ANAPC10: variants seen among roughly 807,000 people sequenced by gnomAD.
ANAPC10 encodes anaphase-promoting complex subunit 10.
Under a neutral mutation model 22.0 loss-of-function variants are expected in ANAPC10, and 12 were observed. That is an observed-to-expected ratio of 0.55 (90% confidence interval 0.35 to 0.88). The LOEUF is 0.88. ANAPC10 is among the 40% of genes least tolerant of loss of function. The pLI, the probability that ANAPC10 is intolerant of heterozygous loss-of-function variation, is 0.01. For synonymous variants in ANAPC10, 65 were observed against 69.5 expected, an observed-to-expected ratio of 0.94 and a Z score of 0.32; for missense variants, 188 against 220.9, an observed-to-expected ratio of 0.85 and a Z score of 0.94.
intron 4 of ANAPC10, among the ~76,000 whole-genome samples, chr4:145,050,461 T>A (rs897688385): frequency 1.3e-5 from 2 of 152,200 alleles, no homozygotes; most frequent in African/African-American, 4.8e-5. Flanking sequence ...CAACTTGAAG[T>A]CACTAGCTGC....
intron 2 of ANAPC10, among the ~76,000 whole-genome samples, chr4:145,087,763 G>A (rs1158814278): frequency 1.3e-5 from 2 of 152,076 alleles, no homozygotes; most frequent in Non-Finnish European, 2.9e-5. Flanking sequence ...ATAAAGAGAT[G>A]AGGCCAGGCG....
intron 3 of ANAPC10, among the ~76,000 whole-genome samples, chr4:145,070,916 A>T (rs776910392): frequency 7.9e-5 from 12 of 152,232 alleles, no homozygotes; most frequent in Non-Finnish European, 1.3e-4. Flanking sequence ...ATATAATTCC[A>T]CTTATATCAG....
intron 2 of ANAPC10, among the ~76,000 whole-genome samples, chr4:145,095,336 T>G (rs1388493398): frequency 6.6e-6 from 1 of 152,200 alleles, no homozygotes; most frequent in African/African-American, 2.4e-5. Context: ...TTTCTCACCA[T>G]CCTGCTCCAT....
At chr4:145,060,610 A>G (rs773076888) in intron 4 of ANAPC10, among the ~76,000 whole-genome samples, 8 of 152,076 alleles carry the variant, frequency 5.3e-5, no homozygotes, top group Non-Finnish European at 8.8e-5. Flanking sequence ...AAACATTTCA[A>G]TACACACTAC....
chr4:145,034,964 T>C (rs1057429160), intron 4 of ANAPC10, among the ~76,000 whole-genome samples: 1 of 152,124 alleles, frequency 6.6e-6, no homozygotes, highest in Non-Finnish European at 1.5e-5. Context: ...CATCAGTCAG[T>C]TACTGTTTGT....
At chr4:145,027,283 C>T (rs1009613218) in intron 4 of ANAPC10, among the ~76,000 whole-genome samples, 37 of 151,430 alleles carry the variant, frequency 2.4e-4, no homozygotes, top group Middle Eastern at 6.8e-3. Flanking sequence ...AGATTACAGG[C>T]GTGAGCCACC....
intron 4 of ANAPC10, among the ~76,000 whole-genome samples, chr4:145,036,363 G>A (rs1321031730): frequency 2.6e-5 from 4 of 152,104 alleles, no homozygotes; most frequent in Non-Finnish European, 4.4e-5. Context: ...AGGTATCTAC[G>A]TACATGCATT....
At chr4:145,079,900 G>A (rs899803460) in intron 3 of ANAPC10, among the ~76,000 whole-genome samples, 2 of 152,052 alleles carry the variant, frequency 1.3e-5, no homozygotes, top group Non-Finnish European at 2.9e-5. Context: ...GATCACCTGA[G>A]GTCAGGAGTT....
rs1423822527 is a variant in ANAPC10 at position 145,021,210 on chromosome 4, C to A, written c.328-25607G>T. Among the ~76,000 whole-genome samples, 4 of 152,116 alleles carry A rather than the reference C, an allele frequency of 2.6e-5. No individual in the cohort carries two copies. The East Asian group carries it at 7.7e-4, about 29-fold the overall frequency. ...CATAAAGAACCACAAAAAGATTTCA[C>A]ATAGCCAATGCAAGACTAAGCAAAA... On this transcript the variant is annotated intron_variant, in intron 4 of 4. Coordinates refer to ENST00000507656, the MANE Select transcript of ANAPC10 (RefSeq NM_001256706.2).
At chr4:145,012,876 G>T (rs552858791) in intron 4 of ANAPC10, among the ~76,000 whole-genome samples, 1 of 152,130 alleles carries the variant, frequency 6.6e-6, no homozygotes, top group Admixed American at 6.6e-5. Flanking sequence ...AATGATGGAG[G>T]GGGGCCTGGT....
chr4:145,037,252 G>T (rs989817810), intron 4 of ANAPC10, among the ~76,000 whole-genome samples: 10 of 152,058 alleles, frequency 6.6e-5, no homozygotes, highest in Non-Finnish European at 1.5e-4. Flanking sequence ...AAATGAAACA[G>T]AATTGTATGT....
intron 4 of ANAPC10, among the ~76,000 whole-genome samples, chr4:145,000,200 A>G (rs1732307417): frequency 6.6e-6 from 1 of 152,194 alleles, no homozygotes; most frequent in African/African-American, 2.4e-5. Context: ...AAATTGTCAA[A>G]TGGGATCTAA....
At chr4:145,080,077 G>A (rs894218726) in intron 3 of ANAPC10, among the ~76,000 whole-genome samples, 1 of 140,712 alleles carries the variant, frequency 7.1e-6, no homozygotes, top group Non-Finnish European at 1.5e-5. Flanking sequence ...TCACGCCACT[G>A]CGCTCCAGCC....
intron 3 of ANAPC10, among the ~76,000 whole-genome samples, chr4:145,072,038 G>A (rs1005998611): frequency 6.6e-6 from 1 of 152,088 alleles, no homozygotes; most frequent in Non-Finnish European, 1.5e-5. Flanking sequence ...ACTAGGTAGG[G>A]TAAGAGAAGC....
intron 3 of ANAPC10, among the ~76,000 whole-genome samples, chr4:145,080,670 A>G (rs541284144): frequency 6.6e-6 from 1 of 152,204 alleles, no homozygotes; most frequent in African/African-American, 2.4e-5. Flanking sequence ...GCACTTTGGG[A>G]GGCCGAGGCG....
At position 145,059,160 on chromosome 4, in the gene ANAPC10, T is replaced by C. The variant is rs1162022684; in HGVS notation, c.327+5412A>G. 3.3e-5 allele frequency among the ~76,000 whole-genome samples: 5 copies of C among 152,112 alleles called. No homozygotes were observed. The East Asian group carries it at 9.6e-4, about 29-fold the overall frequency. On this transcript the variant is annotated intron_variant, in intron 4 of 4. Transcript: ENST00000507656. ...TCATAAGAAAGCAAATATAAGTAGA[T>C]TTTGGGATCAACAAATAGAGCCAGA...
At chr4:145,087,629 C>T (rs1747087642) in intron 2 of ANAPC10, among the ~76,000 whole-genome samples, 1 of 152,182 alleles carries the variant, frequency 6.6e-6, no homozygotes, top group African/African-American at 2.4e-5. Flanking sequence ...ACAGTAGTAA[C>T]ATTTCAAATG....
intron 1 of ANAPC10, chr4:145,097,139 T>C: frequency 4.6e-6 from 1 of 215,222 alleles, no homozygotes; most frequent in Non-Finnish European, 9.5e-6. Flanking sequence ...GAGGCGGAGG[T>C]TGCAGTGAGC....
At chr4:145,084,814 T>C (rs1057473615) in intron 2 of ANAPC10, among the ~76,000 whole-genome samples, 3 of 152,156 alleles carry the variant, frequency 2.0e-5, no homozygotes, top group Non-Finnish European at 4.4e-5. Flanking sequence ...GGTTTGAAGA[T>C]TAGGACAAAA....
Sources: gnomAD v4.1 joint callset for allele counts (sites outside exome capture counted in the v4.1 genomes callset) on GRCh38, gnomAD v4.1.1 for gene constraint, MANE v1.5 for transcripts, NCBI Gene and HGNC (gene_info 2026-07-23, HGNC 2026-07-21) for gene names.